Variants in DYNC1I2 observed in about 807,000 individuals in gnomAD.
The protein encoded by DYNC1I2 is cytoplasmic dynein 1 intermediate chain 2.
Under a neutral mutation model 88.6 loss-of-function variants are expected in DYNC1I2, and 53 were observed. The ratio of observed to expected loss-of-function variants is 0.60; its 90% CI spans 0.48 to 0.75. The LOEUF (loss-of-function observed/expected upper bound fraction) is 0.75. Among genes scored for constraint, DYNC1I2 ranks in the 30% least tolerant of loss-of-function variants. The pLI is 0.00. For missense variants in DYNC1I2, 458 were observed against 766.6 expected, an observed-to-expected ratio of 0.60 and a Z score of 4.75; for synonymous variants, 198 against 254.6, an observed-to-expected ratio of 0.78 and a Z score of 2.12.
At chr2:171,698,264 C>A (rs184942742) in intron 3 of DYNC1I2, among the ~76,000 whole-genome samples, 1 of 152,332 alleles carries the variant, frequency 6.6e-6, no homozygotes, top group African/African-American at 2.4e-5. Context: ...AGCTTTCTCT[C>A]AATAACTAGG....
chr2:171,696,181 A>G (rs1272612553), intron 3 of DYNC1I2, among the ~76,000 whole-genome samples: 1 of 152,196 alleles, frequency 6.6e-6, no homozygotes, highest in African/African-American at 2.4e-5. Context: ...ATTGAACAGA[A>G]TCCTCTATTT....
chr2:171,728,995 CTT>C lies in DYNC1I2; in HGVS notation c.1391+146_1391+147del, dbSNP rs899762573. 1.0e-5 allele frequency: 9 copies of C among 867,470 alleles called. No homozygotes were observed. The African/African-American group carries it at 1.6e-4, about 15-fold the overall frequency. The allele number at this position is 867,470 out of a possible 1,614,324, so 53.7% of individuals were successfully genotyped here. On this transcript the variant is annotated intron_variant, in intron 14 of 17. Transcript: ENST00000397119. ...TGTGTTCAGGCACATAAAATTAAAA[CTT>C]AATACCTTTTTGTATAAAAGATAAT...
chr2:171,706,991 T>A (rs950081041), intron 4 of DYNC1I2: 2 of 498,104 alleles, frequency 4.0e-6, no homozygotes, highest in African/African-American at 4.0e-5. Context: ...GTGGCCACAT[T>A]TGGTGATGGA....
Position 171,725,632 on chromosome 2 carries a change from G to A in DYNC1I2, c.526G>A (p.Asp176Asn). ...AQPKEDEEED[D>N]DVVAPKPPIE... Reference sequence around the variant, plus strand: ...TTTTTTTTCAGATGAAGAGGAAGATGATGATGTAGTGGCTCCTAAACCACC... The same window carrying A: ...TTTTTTTTCAGATGAAGAGGAAGATAATGATGTAGTGGCTCCTAAACCACC... The change falls in exon 8 of 18, where the codon GAT becomes AAT. Residue 176 changes from aspartate (D) to asparagine (N), a missense_variant. Physicochemically the swap from Asp to Asn is conservative, Grantham distance 23. This residue lies in a region of DYNC1I2 where 203 missense variants were observed against 354.2 expected (regional missense o/e 0.57). Transcript: ENST00000397119. 9.3e-7 allele frequency: 1 copy of A among 1,079,858 alleles called. No individual in the cohort carries two copies. Among genetic ancestry groups the A allele is most frequent in the Non-Finnish European group, 1.3e-6 (1 of 762,678 alleles). 66.9% of individuals were successfully genotyped at this position (1,079,858 alleles called of 1,614,324 possible).
intron 11 of DYNC1I2, 98 bp from the exon 12 acceptor site, chr2:171,727,723 A>G (rs1688343421): frequency 8.7e-7 from 1 of 1,147,334 alleles, no homozygotes; most frequent in Non-Finnish European, 1.2e-6. Context: ...AATACCATAC[A>G]ATGAAGAAAG....
At position 171,688,828 on chromosome 2, in the gene DYNC1I2, CT is replaced by C. The variant is rs374011365; in HGVS notation, c.-10+1202del. Among the ~76,000 whole-genome samples the C allele has an allele frequency of 3.4e-3, 519 of 152,214 alleles. 6 individuals carry two copies. Among genetic ancestry groups the C allele is most frequent in the African/African-American group, 0.012 (505 of 41,526 alleles). ...AATTGTGCTTTTTAAGAGATTTCCC[CT>C]AACCTCTGGAAATACAGTTTTCCAG... On this transcript the variant is annotated intron_variant, in intron 1 of 17. Transcript: ENST00000397119.
At chr2:171,707,460 A>G in intron 5 of DYNC1I2, 83 bp downstream of exon 5, 1 of 1,236,208 alleles carries the variant, frequency 8.1e-7, no homozygotes. Context: ...GGGACTCTAA[A>G]TAGTTGTGTC....
chr2:171,748,391 A>G lies in DYNC1I2; in HGVS notation c.*502A>G, dbSNP rs890385454. 6.6e-6 allele frequency: 1 copy of G among 152,162 alleles called. No homozygotes were observed. Among genetic ancestry groups the G allele is most frequent in the South Asian group, 2.1e-4 (1 of 4,814 alleles). The allele number at this position is 152,162 out of a possible 1,614,324, so 9.4% of individuals were successfully genotyped here. ...TAATTCATGTGGTAGTTACCTATAAATAAAAACAAATATGCGTTAACTTTT... is the reference window on the plus strand; with the variant it reads ...TAATTCATGTGGTAGTTACCTATAAGTAAAAACAAATATGCGTTAACTTTT... On this transcript the variant is annotated 3_prime_UTR_variant, in exon 18 of 18. Coordinates refer to ENST00000397119, the MANE Select transcript of DYNC1I2 (RefSeq NM_001378.3).
intron 4 of DYNC1I2, 60 bp downstream of exon 4, chr2:171,706,624 A>C (rs1686696940): frequency 6.7e-7 from 1 of 1,493,052 alleles, no homozygotes; most frequent in East Asian, 2.3e-5. Flanking sequence ...TATGTTATGC[A>C]TAATGTCTAG....
intron 3 of DYNC1I2, among the ~76,000 whole-genome samples, chr2:171,705,793 A>G (rs951919279): frequency 3.9e-5 from 6 of 152,082 alleles, no homozygotes; most frequent in African/African-American, 1.4e-4. Context: ...ATAGGAAGCT[A>G]TCTGGTCTTA....
Position 171,728,836 on chromosome 2 carries a change from A to G in DYNC1I2, c.1377A>G (p.Ala459=). 6.2e-7 allele frequency: 1 copy of G among 1,608,558 alleles called. No homozygotes were observed. The highest frequency in any genetic ancestry group is 8.5e-7 in the Non-Finnish European group (1 of 1,178,064). The change falls in exon 14 of 18, where the codon GCA becomes GCG. Residue 459 remains alanine (A), a synonymous_variant. Coordinates refer to ENST00000397119, the MANE Select transcript of DYNC1I2 (RefSeq NM_001378.3). ...GTGAAGAAGGTTCTGTGTACACAGC[A>G]TGCCGCCATGGCAGGTAAACCTAAA... is the stretch of plus-strand genomic sequence containing the variant. ...VGSEEGSVYT[A]CRHGSKAGIS... is the part of the protein sequence containing the mutation.
At chr2:171,700,882 C>T (rs900954591) in intron 3 of DYNC1I2, among the ~76,000 whole-genome samples, 12 of 152,154 alleles carry the variant, frequency 7.9e-5, no homozygotes, top group Non-Finnish European at 7.3e-5. Flanking sequence ...CCACCCTACT[C>T]AGCCTCCCAA....
At chr2:171,693,941 C>G (rs896405502) in intron 3 of DYNC1I2, among the ~76,000 whole-genome samples, 2 of 151,414 alleles carry the variant, frequency 1.3e-5, no homozygotes, top group African/African-American at 4.9e-5. Context: ...CCTTTTTTTT[C>G]TGTGCTTTGG....
At chr2:171,744,802 G>T (rs994561426) in intron 16 of DYNC1I2, among the ~76,000 whole-genome samples, 1 of 152,050 alleles carries the variant, frequency 6.6e-6, no homozygotes, top group Non-Finnish European at 1.5e-5. Context: ...ATTTTTACCA[G>T]CTTAGAGAAG....
chr2:171,698,847 T>A (rs1031366990), intron 3 of DYNC1I2, among the ~76,000 whole-genome samples: 1 of 149,328 alleles, frequency 6.7e-6, no homozygotes, highest in African/African-American at 2.5e-5. Flanking sequence ...CCAGCCTGAG[T>A]GACAGAGCGA....
Position 171,749,491 on chromosome 2 carries a change from C to A in DYNC1I2, c.*1602C>A, listed in dbSNP as rs572942522. Among the ~76,000 whole-genome samples, 71 of 152,188 alleles carry A rather than the reference C, an allele frequency of 4.7e-4. 1 individual carries two copies. Among genetic ancestry groups the A allele is most frequent in the African/African-American group, 1.7e-3 (71 of 41,544 alleles). On this transcript the variant is annotated 3_prime_UTR_variant, in exon 18 of 18. Transcript: ENST00000397119. Reference sequence around the variant, plus strand: ...CAAAACTTCAATTTTAGTAGAGTCACACTTTCTTTATATAGAAAAATTCAT... The same window carrying A: ...CAAAACTTCAATTTTAGTAGAGTCAAACTTTCTTTATATAGAAAAATTCAT...
chr2:171,721,216 TC>T (rs928627246), intron 7 of DYNC1I2, among the ~76,000 whole-genome samples: 21 of 151,588 alleles, frequency 1.4e-4, no homozygotes, highest in African/African-American at 4.6e-4. Flanking sequence ...TTTCTTATTT[TC>T]CCCCCAAGTT....
chr2:171,734,275 G>A (rs971227088), intron 15 of DYNC1I2, among the ~76,000 whole-genome samples: 3 of 152,134 alleles, frequency 2.0e-5, no homozygotes, highest in African/African-American at 7.2e-5. Flanking sequence ...AATAGGATTT[G>A]AAAATAAAGA....
At chr2:171,688,448 G>GTGTTGGTATATCTGTTTTAC (rs1685138635) in intron 1 of DYNC1I2, 1 of 152,178 alleles carries the variant, frequency 6.6e-6, no homozygotes, top group African/African-American at 2.4e-5. Context: ...ATATCAATTA[G>GTGTTGGTATATCTGTTTTAC]TGTTGGTATA....
Sources: gnomAD v4.1 joint callset for allele counts (sites outside exome capture counted in the v4.1 genomes callset) on GRCh38, gnomAD v4.1.1 for gene constraint, gnomAD v4.1.1 regional missense constraint, MANE v1.5 for transcripts, NCBI Gene and HGNC (gene_info 2026-07-23, HGNC 2026-07-21) for gene names.